Variants in CRPPA observed in about 807,000 individuals in gnomAD.
CRPPA encodes D-ribitol-5-phosphate cytidylyltransferase.
Under a neutral mutation model 52.0 loss-of-function variants are expected in CRPPA, and 43 were observed. The observed-to-expected ratio is 0.83, with a 90% CI of 0.65 to 1.07. The LOEUF (loss-of-function observed/expected upper bound fraction) is 1.07. Ranked by LOEUF, CRPPA falls within the 50% of genes least tolerant of loss-of-function variation. The probability of loss-of-function intolerance (pLI) is 0.00; values close to 1 mark genes in which losing one functional copy is unlikely to be tolerated. For missense variants in CRPPA, 629 were observed against 551.7 expected, an observed-to-expected ratio of 1.14 and a Z score of -1.40; for synonymous variants, 250 against 203.5, an observed-to-expected ratio of 1.23 and a Z score of -1.94.
chr7:16,159,569 T>C (rs769794744), intron 9 of CRPPA, among the ~76,000 whole-genome samples: 88 of 152,314 alleles, frequency 5.8e-4, no homozygotes, highest in Non-Finnish European at 8.5e-4. Flanking sequence ...TAGTATTCCA[T>C]GGTATATATG....
rs374289207 is a variant in CRPPA at position 16,302,434 on chromosome 7, G to A, written c.790-968C>T. ...CCCCCATCCAGTGAGCTCAGGTACA[G>A]AAAATGTAAGTGCATTGTGTTGCAG... On this transcript the variant is annotated intron_variant, in intron 4 of 9. Coordinates refer to ENST00000407010, the MANE Select transcript of CRPPA (RefSeq NM_001101426.4). Among the ~76,000 whole-genome samples the A allele has an allele frequency of 6.6e-5, 10 of 151,804 alleles. 1 individual carries two copies. The East Asian group carries it at 1.4e-3, about 21-fold the overall frequency.
At chr7:16,345,369 A>T (rs1283179929) in intron 3 of CRPPA, among the ~76,000 whole-genome samples, 1 of 152,214 alleles carries the variant, frequency 6.6e-6, no homozygotes, top group Non-Finnish European at 1.5e-5. Context: ...CTTGAGGCTA[A>T]AATGAAAGGA....
rs1050337027 is a variant in CRPPA, at chr7:16,341,960, G to C, written c.685-33333C>G. Among the ~76,000 whole-genome samples the C allele has an allele frequency of 1.2e-4, 19 of 152,002 alleles. No individual in the cohort carries two copies. In the South Asian group the frequency reaches 2.3e-3, roughly 18 times the overall value. On this transcript the variant is annotated intron_variant, in intron 3 of 9. Transcript: ENST00000407010. ...CCTTCCCTCTTTGCTCCCCACTGTG[G>C]AGTGTGTCACAGTCTTTCTTTCTGG...
chr7:16,245,953 C>T lies in CRPPA; in HGVS notation c.1119+12437G>A, dbSNP rs79997584. On this transcript the variant is annotated intron_variant, in intron 8 of 9. Transcript: ENST00000407010. ...GCTTGCATAATGGCTCCTGACTGTT[C>T]ACGGTGGTGGTTGCTCAAGGTTGGG... 7.2e-4 allele frequency among the ~76,000 whole-genome samples: 109 copies of T among 152,148 alleles called. 1 individual carries two copies. In the East Asian group the frequency reaches 0.019, roughly 27 times the overall value.
At chr7:16,230,339 CA>C (rs763247070) in intron 8 of CRPPA, among the ~76,000 whole-genome samples, 3 of 152,048 alleles carry the variant, frequency 2.0e-5, no homozygotes, top group African/African-American at 4.8e-5. Flanking sequence ...CTATTTATTT[CA>C]AAATAACCTG....
chr7:16,362,908 A>G (rs369608758), intron 3 of CRPPA, among the ~76,000 whole-genome samples: 1 of 152,200 alleles, frequency 6.6e-6, no homozygotes, highest in East Asian at 1.9e-4. Flanking sequence ...TCTTCCTCCA[A>G]CACCAACTTC....
At chr7:16,352,633 C>A (rs1266058601) in intron 3 of CRPPA, among the ~76,000 whole-genome samples, 1 of 152,036 alleles carries the variant, frequency 6.6e-6, no homozygotes, top group Non-Finnish European at 1.5e-5. Context: ...AAAAAGGGAA[C>A]CCTTGTACTT....
intron 3 of CRPPA, among the ~76,000 whole-genome samples, chr7:16,348,843 T>G (rs993823300): frequency 6.6e-6 from 1 of 152,158 alleles, no homozygotes. Context: ...AGTTTATCCA[T>G]GCACCAAGTG....
chr7:16,188,065 G>A (rs1014911862), intron 9 of CRPPA, among the ~76,000 whole-genome samples: 13 of 68,932 alleles, frequency 1.9e-4, no homozygotes, highest in African/African-American at 7.1e-4. Context: ...TTTTTTTTTT[G>A]AGACGGAGTC....
rs74767661 is a variant in CRPPA, at chr7:16,389,641, A to G, written c.535-13400T>C. On this transcript the variant is annotated intron_variant, in intron 2 of 9. Coordinates refer to ENST00000407010, the MANE Select transcript of CRPPA (RefSeq NM_001101426.4). ...AGTGTTTGTGAAAAATCCACAGTTA[A>G]GATCATGCTTACTGGTAAAATACTG... Among the ~76,000 whole-genome samples, 1,037 of 152,110 alleles carry G rather than the reference A, an allele frequency of 6.8e-3. 12 individuals are homozygous for G. Among genetic ancestry groups the G allele is most frequent in the African/African-American group, 0.024 (1,004 of 41,492 alleles).
chr7:16,331,005 G>C (rs1253476313), intron 3 of CRPPA, among the ~76,000 whole-genome samples: 5 of 152,112 alleles, frequency 3.3e-5, no homozygotes, highest in Non-Finnish European at 7.4e-5. Context: ...GTTTTGTTTT[G>C]TTTTGTTTTT....
rs192614474 is a variant in CRPPA, at chr7:16,090,841, A to T, written c.*854T>A. ...GAAAATATTAATATTTCAGATGTAT[A>T]TACCAATGAAAACTGGAAATAAGAA... is the stretch of plus-strand genomic sequence containing the variant. On this transcript the variant is annotated 3_prime_UTR_variant, in exon 10 of 10. Transcript: ENST00000407010. The T allele has an allele frequency of 1.3e-5, 2 of 152,360 alleles. No homozygotes were observed. Among genetic ancestry groups the T allele is most frequent in the Admixed American group, 1.3e-4 (2 of 15,304 alleles). 9.4% of individuals were successfully genotyped at this position (152,360 alleles called of 1,614,324 possible).
intron 2 of CRPPA, among the ~76,000 whole-genome samples, chr7:16,379,139 T>C (rs1413593760): frequency 1.3e-5 from 2 of 152,222 alleles, no homozygotes; most frequent in African/African-American, 4.8e-5. Flanking sequence ...ATTCTGGCCT[T>C]TGTTGCCATT....
chr7:16,373,392 A>G (rs1288421138), intron 3 of CRPPA, among the ~76,000 whole-genome samples: 1 of 152,246 alleles, frequency 6.6e-6, no homozygotes, highest in African/African-American at 2.4e-5. Flanking sequence ...TAATACATTT[A>G]TATGCACAGC....
intron 9 of CRPPA, among the ~76,000 whole-genome samples, chr7:16,189,726 A>G (rs941970925): frequency 1.3e-5 from 2 of 152,202 alleles, no homozygotes; most frequent in African/African-American, 4.8e-5. Context: ...AGTTAGTATT[A>G]AGAAATGAGT....
In CRPPA at chr7:16,417,574, G is replaced by A. The variant is rs73291283; in HGVS notation, c.257+3492C>T. On this transcript the variant is annotated intron_variant, in intron 1 of 9. Transcript: ENST00000407010. ...AATTACCACAAGTTCTCCTAAGACG[G>A]AGCTAAACAATGGGTACTCATGGAC... Among the ~76,000 whole-genome samples, 434 of 152,238 alleles carry A rather than the reference G, an allele frequency of 2.9e-3. 2 individuals carry two copies. The highest frequency in any genetic ancestry group is 9.9e-3 in the African/African-American group (413 of 41,524).
chr7:16,390,905 G>T (rs1297985969), intron 2 of CRPPA, among the ~76,000 whole-genome samples: 3 of 152,078 alleles, frequency 2.0e-5, no homozygotes, highest in Non-Finnish European at 4.4e-5. Flanking sequence ...ATATTGGTTT[G>T]GTCTGTTAGG....
intron 2 of CRPPA, among the ~76,000 whole-genome samples, chr7:16,386,005 A>G (rs1289393853): frequency 6.6e-6 from 1 of 152,238 alleles, no homozygotes; most frequent in Non-Finnish European, 1.5e-5. Context: ...GTCCACAGAC[A>G]GCTTAAATGT....
At chr7:16,294,407 A>G (rs964063529) in intron 5 of CRPPA, among the ~76,000 whole-genome samples, 9 of 151,948 alleles carry the variant, frequency 5.9e-5, no homozygotes, top group Non-Finnish European at 1.0e-4. Context: ...GGAAATGGTA[A>G]AACTAAAACA....
Sources: gnomAD v4.1 joint callset for allele counts (sites outside exome capture counted in the v4.1 genomes callset) on GRCh38, gnomAD v4.1.1 for gene constraint, MANE v1.5 for transcripts, NCBI Gene and HGNC (gene_info 2026-07-23, HGNC 2026-07-21) for gene names.